SMPD3: variants seen among roughly 807,000 people sequenced by gnomAD.
SMPD3 encodes nSMase-2.
A neutral mutation model predicts 55.7 loss-of-function variants in SMPD3; 21 were observed. The ratio of observed to expected loss-of-function variants is 0.38; its 90% CI spans 0.27 to 0.54. SMPD3 has a LOEUF of 0.54. SMPD3 is among the 20% of genes least tolerant of loss of function. SMPD3 has a pLI of 0.80. For missense variants in SMPD3, 842 were observed against 899.6 expected (o/e 0.94, Z 0.82); for synonymous variants, 457 against 404.3 (o/e 1.13, Z -1.56).
chr16:68,406,641 T>A (rs2090256719), intron 1 of SMPD3, among the ~76,000 whole-genome samples: 1 of 152,250 alleles, frequency 6.6e-6, no homozygotes, highest in Non-Finnish European at 1.5e-5. Flanking sequence ...CATCTCCAGA[T>A]GTTTGCCTTT....
rs2089099682 is a variant in SMPD3, at chr16:68,359,440, G to A, written c.*1766C>T. ...AGACGGTGCTTCCCAGGCCAGGTGAGTTCAGACAGGCCAGTGTCACAAGGA... is the reference window on the plus strand; with the variant it reads ...AGACGGTGCTTCCCAGGCCAGGTGAATTCAGACAGGCCAGTGTCACAAGGA... On this transcript the variant is annotated 3_prime_UTR_variant, in exon 9 of 9. Coordinates refer to ENST00000219334, the MANE Select transcript of SMPD3 (RefSeq NM_018667.4). 1 of 152,690 alleles carries A rather than the reference G, an allele frequency of 6.5e-6. No individual in the cohort carries two copies. The highest frequency in any genetic ancestry group is 2.4e-5 in the African/African-American group (1 of 41,462). 9.5% of individuals were successfully genotyped at this position (152,690 alleles called of 1,614,324 possible). A position where few individuals can be genotyped will look rare whatever the true frequency, so the allele number is the denominator to read the frequency against.
chr16:68,384,303 T>A (rs566401035), intron 2 of SMPD3, among the ~76,000 whole-genome samples: 15 of 152,246 alleles, frequency 9.9e-5, no homozygotes, highest in Non-Finnish European at 1.5e-4. Flanking sequence ...ACAGAGAAGA[T>A]CCCTTCATCA....
At chr16:68,367,446 GTGCGCTGCTC>G (rs1555582924) in intron 3 of SMPD3, 7 of 9,496 alleles carry the variant, frequency 7.4e-4, no homozygotes, top group Admixed American at 4.6e-3. Context: ...GTGCGCTGCT[GTGCGCTGCTC>G]TGCGCTGCTT....
chr16:68,443,752 G>T (rs187211838), intron 1 of SMPD3, among the ~76,000 whole-genome samples: 9 of 152,186 alleles, frequency 5.9e-5, no homozygotes, highest in African/African-American at 2.2e-4. Context: ...TAGTGGGTCC[G>T]CAATCCTATT....
intron 1 of SMPD3, among the ~76,000 whole-genome samples, chr16:68,439,717 G>A (rs376942134): frequency 1.3e-5 from 2 of 152,258 alleles, no homozygotes; most frequent in East Asian, 3.9e-4. Context: ...TTCTTTGGCT[G>A]TCTTCCTCCA....
At position 68,386,146 on chromosome 16, in the gene SMPD3, C is replaced by T. The variant is rs1048779329; in HGVS notation, c.-207+452G>A. 1.1e-4 allele frequency among the ~76,000 whole-genome samples: 16 copies of T among 150,774 alleles called. No homozygotes were observed. The South Asian group carries it at 1.3e-3, about 12-fold the overall frequency. ...CTGAGGTGAGAGGAACACTTGAGCC[C>T]GGGAAGTAGAGATTGCAGTGAGCTG... On this transcript the variant is annotated intron_variant, in intron 2 of 8. Coordinates refer to ENST00000219334, the MANE Select transcript of SMPD3 (RefSeq NM_018667.4).
chr16:68,446,945 C>T (rs2090614799), intron 1 of SMPD3, among the ~76,000 whole-genome samples: 2 of 152,224 alleles, frequency 1.3e-5, no homozygotes, highest in Non-Finnish European at 2.9e-5. Flanking sequence ...GGGCATAGTG[C>T]CCTGCCCTGG....
At chr16:68,440,502 G>A (rs1383127645) in intron 1 of SMPD3, among the ~76,000 whole-genome samples, 2 of 152,174 alleles carry the variant, frequency 1.3e-5, no homozygotes, top group Non-Finnish European at 2.9e-5. Context: ...CGCTTGGCCT[G>A]AACTGCAAAT....
chr16:68,421,313 G>A (rs201296675), intron 1 of SMPD3, among the ~76,000 whole-genome samples: 8 of 152,204 alleles, frequency 5.3e-5, no homozygotes, highest in South Asian at 2.1e-4. Context: ...TCTGTCTGGC[G>A]CTTGTGGGGA....
In SMPD3 at chr16:68,360,313, C is replaced by T. The variant is rs1302189161; in HGVS notation, c.*893G>A. The T allele has an allele frequency of 6.6e-6, 1 of 151,700 alleles. No individual in the cohort carries two copies. The highest frequency in any genetic ancestry group is 1.9e-4 in the East Asian group (1 of 5,230). 9.4% of individuals were successfully genotyped at this position (151,700 alleles called of 1,614,324 possible). A position where few individuals can be genotyped will look rare whatever the true frequency, so the allele number is the denominator to read the frequency against. ...ATTATTTTCAAAATCAGGATCCCCC[C>T]CACCCCCGTTTATGCTGTGAGTCCC... On this transcript the variant is annotated 3_prime_UTR_variant, in exon 9 of 9. Transcript: ENST00000219334.
intron 1 of SMPD3, among the ~76,000 whole-genome samples, chr16:68,417,595 G>A (rs929526830): frequency 6.6e-6 from 1 of 152,200 alleles, no homozygotes; most frequent in Non-Finnish European, 1.5e-5. Flanking sequence ...TTGTGTTTAT[G>A]ATACAAACAC....
rs987880203 is a variant in SMPD3, at chr16:68,360,861, C to G, written c.*345G>C. ...TTGGCAGCAGACAAAAATAAAGAAC[C>G]CTGGACGAAGCTTAAGAGGAGATAC... On this transcript the variant is annotated 3_prime_UTR_variant, in exon 9 of 9. Transcript: ENST00000219334. The G allele has an allele frequency of 4.1e-6, 1 of 245,102 alleles. No homozygotes were observed. Among genetic ancestry groups the G allele is most frequent in the African/African-American group, 2.3e-5 (1 of 44,260 alleles). 15.2% of individuals were successfully genotyped at this position (245,102 alleles called of 1,614,324 possible).
chr16:68,391,873 G>A (rs888517553), intron 1 of SMPD3, among the ~76,000 whole-genome samples: 2 of 152,166 alleles, frequency 1.3e-5, no homozygotes, highest in Admixed American at 1.3e-4. Context: ...ACGATGGTGC[G>A]ACTTAAGAAT....
Position 68,447,792 on chromosome 16 carries a change from G to A in SMPD3, c.-269+561C>T, listed in dbSNP as rs944812904. On this transcript the variant is annotated intron_variant, in intron 1 of 8. Coordinates refer to ENST00000219334, the MANE Select transcript of SMPD3 (RefSeq NM_018667.4). This position sits in a 1 kb window ranked among gnomAD's most constrained non-coding sequence, Gnocchi z 5.1. ...CCTCTTTACAAAACCCTAGGGCCAA[G>A]GGAGGAGGGGGGAATAGGGAGGGGG... 3.3e-5 allele frequency among the ~76,000 whole-genome samples: 5 copies of A among 152,062 alleles called. No individual in the cohort carries two copies. Among genetic ancestry groups the A allele is most frequent in the Non-Finnish European group, 7.4e-5 (5 of 67,964 alleles).
At chr16:68,370,646 C>T (rs1225121195) in intron 3 of SMPD3, among the ~76,000 whole-genome samples, 1 of 152,164 alleles carries the variant, frequency 6.6e-6, no homozygotes, top group Admixed American at 6.5e-5. Context: ...CTGTCTGAGC[C>T]CAGAGCCTCG....
At chr16:68,423,436 G>C (rs2090412237) in intron 1 of SMPD3, among the ~76,000 whole-genome samples, 1 of 152,056 alleles carries the variant, frequency 6.6e-6, no homozygotes. Context: ...GGGGCTGGCG[G>C]CTTTATAAGA....
intron 5 of SMPD3, 161 bp downstream of exon 5, chr16:68,364,590 G>T (rs2089418693): frequency 2.5e-6 from 2 of 813,174 alleles, no homozygotes; most frequent in Non-Finnish European, 3.8e-6. Context: ...CCTGTTCTAG[G>T]ATTTCTAGGG....
At chr16:68,383,804 C>T (rs542029553) in intron 2 of SMPD3, among the ~76,000 whole-genome samples, 1 of 152,314 alleles carries the variant, frequency 6.6e-6, no homozygotes, top group African/African-American at 2.4e-5. Context: ...CACTTCCCCA[C>T]ATACAATTCT....
intron 1 of SMPD3, among the ~76,000 whole-genome samples, chr16:68,415,669 CG>C (rs972466025): frequency 1.6e-4 from 25 of 151,978 alleles, no homozygotes; most frequent in African/African-American, 6.0e-4. Context: ...ATATATATAG[CG>C]GATGCTTATT....
Sources: gnomAD v4.1 joint callset for allele counts (sites outside exome capture counted in the v4.1 genomes callset) on GRCh38, gnomAD v4.1.1 for gene constraint, Gnocchi (gnomAD v3.1) non-coding constraint, MANE v1.5 for transcripts, NCBI Gene and HGNC (gene_info 2026-07-23, HGNC 2026-07-21) for gene names.